The following SPTBN4 variants were observed in gnomAD, a reference collection of about 807,000 sequenced individuals.
SPTBN4 encodes spectrin beta chain, non-erythrocytic 4.
A neutral mutation model predicts 277.8 loss-of-function variants in SPTBN4; 96 were observed. That is an observed-to-expected ratio of 0.35 (90% CI 0.29 to 0.41). The LOEUF (loss-of-function observed/expected upper bound fraction) is 0.41, where lower values mean the gene tolerates loss of function less well. SPTBN4 is among the 10% of genes least tolerant of loss of function. SPTBN4 has a pLI of 1.00. For missense variants in SPTBN4, 3,006 were observed against 3,595.7 expected, an observed-to-expected ratio of 0.84 and a Z score of 4.19; for synonymous variants, 1,481 against 1,580.3, an observed-to-expected ratio of 0.94 and a Z score of 1.49.
rs1407951680 is a variant in SPTBN4 at position 40,502,448 on chromosome 19, G to A, written c.1144G>A (p.Ala382Thr). Residue 382 changes from alanine (A) to threonine (T), a missense_variant, in exon 10 of 36, where the codon GCC (alanine) becomes ACC (threonine). Coordinates refer to ENST00000598249, the MANE Select transcript of SPTBN4 (RefSeq NM_020971.3). This position sits in a 1 kb window ranked among gnomAD's most constrained non-coding sequence, Gnocchi z 4.9. ...LLFSIQSKLR[A>T]CNRRLFVPRE... is the part of the protein sequence containing the mutation. The stretch of plus-strand genomic sequence containing the variant: ...CTTCAGCATCCAGAGCAAACTGCGT[G>A]CCTGCAACCGTCGCCTCTTTGTGCC... The A allele has an allele frequency of 6.2e-7, 1 of 1,613,656 alleles. No individual in the cohort carries two copies. Among genetic ancestry groups the A allele is most frequent in the Admixed American group, 1.7e-5 (1 of 60,012 alleles).
chr19:40,558,600 T>TTTTG (rs941933828), intron 26 of SPTBN4, among the ~76,000 whole-genome samples: 22 of 151,452 alleles, frequency 1.5e-4, no homozygotes, highest in African/African-American at 5.1e-4. Context: ...GTTGGGCAAT[T>TTTTG]TTTGTTTGTT....
chr19:40,556,412 T>G, intron 25 of SPTBN4, 124 bp downstream of exon 25: 2 of 843,152 alleles, frequency 2.4e-6, no homozygotes, highest in Non-Finnish European at 1.8e-6. Context: ...GTGAGACAAA[T>G]GAGTTAATAT....
In SPTBN4 at chr19:40,482,858, G is replaced by C. The variant is rs185940894; in HGVS notation, c.170-4839G>C. On this transcript the variant is annotated intron_variant, in intron 2 of 35. Transcript: ENST00000598249. ...TGCCTGTAATCCCAGCTACTCGGGA[G>C]GCTGAGGCAGGAGAATTGCTTGAAC... 5.4e-3 allele frequency among the ~76,000 whole-genome samples: 823 copies of C among 152,184 alleles called. 5 individuals are homozygous for C. Among genetic ancestry groups the C allele is most frequent in the African/African-American group, 0.019 (770 of 41,522 alleles).
At chr19:40,477,178 TAC>T (rs1275236786) in intron 2 of SPTBN4, among the ~76,000 whole-genome samples, 1 of 152,030 alleles carries the variant, frequency 6.6e-6, no homozygotes, top group African/African-American at 2.4e-5. Flanking sequence ...TAGCTGAGAC[TAC>T]AGGCATGCAC....
Position 40,519,763 on chromosome 19 carries a change from G to T in SPTBN4, c.3266G>T (p.Arg1089Leu). ...GGCGAGGCGGTGGCGGCAGCAGGGC[G>T]CCTGCAGCGCTTCCTACATGACCTC... ...ACGEAVAAAG[R>L]LQRFLHDLDA... Residue 1089 changes from arginine to leucine, a missense_variant, in exon 16 of 36, where the codon CGC (arginine) becomes CTC (leucine). Arg to Leu is a moderately radical substitution (Grantham distance 102, BLOSUM62 -2). This residue lies in a region of SPTBN4 where 1,759 missense variants were observed against 2,061.5 expected (regional missense o/e 0.85). Transcript: ENST00000598249. The surrounding 1 kb of genome is among the most constrained non-coding windows in gnomAD (Gnocchi z 5.7). The T allele has an allele frequency of 2.8e-6, 4 of 1,405,660 alleles. No individual in the cohort carries two copies. The highest frequency in any genetic ancestry group is 3.1e-5 in the South Asian group (2 of 63,626). 87.1% of individuals were successfully genotyped at this position (1,405,660 alleles called of 1,614,324 possible). A position where few individuals can be genotyped will look rare whatever the true frequency, so the allele number is the denominator to read the frequency against.
At chr19:40,482,484 A>C (rs2080023545) in intron 2 of SPTBN4, among the ~76,000 whole-genome samples, 1 of 152,114 alleles carries the variant, frequency 6.6e-6, no homozygotes, top group Non-Finnish European at 1.5e-5. Flanking sequence ...ACCTCCTGTA[A>C]GAGGGCAGCG....
chr19:40,521,959 C>T (rs2080531578), intron 16 of SPTBN4, among the ~76,000 whole-genome samples: 1 of 151,266 alleles, frequency 6.6e-6, no homozygotes, highest in South Asian at 2.1e-4. Flanking sequence ...CTGACCCACT[C>T]ATTTTACTAG....
At chr19:40,561,543 G>A (rs539632047) in intron 27 of SPTBN4, among the ~76,000 whole-genome samples, 1 of 152,246 alleles carries the variant, frequency 6.6e-6, no homozygotes, top group East Asian at 1.9e-4. Context: ...GCATGGGGAT[G>A]GGGCACAGTG....
intron 1 of SPTBN4, among the ~76,000 whole-genome samples, chr19:40,470,671 C>T (rs543483301): frequency 9.0e-4 from 136 of 151,622 alleles, no homozygotes; most frequent in African/African-American, 1.2e-3. Context: ...CTTACTCTGT[C>T]GCCCAGGATA....
chr19:40,540,025 C>A (rs1365282185), intron 20 of SPTBN4, among the ~76,000 whole-genome samples: 1 of 151,674 alleles, frequency 6.6e-6, no homozygotes, highest in African/African-American at 2.4e-5. Context: ...CTCCTGGGTT[C>A]AAGTGATTCT....
rs1333740070 is a variant in SPTBN4, at chr19:40,513,085, G to C, written c.2296G>C (p.Glu766Gln). 2.1e-6 allele frequency: 3 copies of C among 1,416,018 alleles called. No homozygotes were observed. Among genetic ancestry groups the C allele is most frequent in the South Asian group, 1.5e-5 (1 of 68,120 alleles). 87.7% of individuals were successfully genotyped at this position (1,416,018 alleles called of 1,614,324 possible). A position where few individuals can be genotyped will look rare whatever the true frequency, so the allele number is the denominator to read the frequency against. ...GCTGGAAGAGGCGGCGGCGCGGCGAGAGCGGCGGCTGCAGGAGGCGCGGGC... is the reference window on the plus strand; with the variant it reads ...GCTGGAAGAGGCGGCGGCGCGGCGACAGCGGCGGCTGCAGGAGGCGCGGGC... ...QRLEEAAARR[E>Q]RRLQEARALH... Residue 766 changes from glutamate (E) to glutamine (Q), a missense_variant, in exon 14 of 36, where the codon GAG becomes CAG. Glu to Gln is a conservative substitution (Grantham distance 29, BLOSUM62 2). Transcript: ENST00000598249.
At chr19:40,529,723 C>G (rs1233624458) in intron 18 of SPTBN4, among the ~76,000 whole-genome samples, 1 of 152,116 alleles carries the variant, frequency 6.6e-6, no homozygotes. Flanking sequence ...AGAAACGATT[C>G]TAGACTTTGG....
rs2145869830 is a variant in SPTBN4 at position 40,515,605 on chromosome 19, T to G, written c.2903+157T>G. ...CAAAAATCATAATCCCTGATACTGG[T>G]GATGACGTGGTAAAATTAAAACAAC... On this transcript the variant is annotated intron_variant, in intron 15 of 35. Transcript: ENST00000598249. The surrounding 1 kb of genome is among the most constrained non-coding windows in gnomAD (Gnocchi z 4.1). Among the ~76,000 whole-genome samples, 1 of 152,314 alleles carries G rather than the reference T, an allele frequency of 6.6e-6. No homozygotes were observed. The highest frequency in any genetic ancestry group is 3.4e-3 in the Middle Eastern group (1 of 294).
chr19:40,545,131 T>C (rs1306916625), intron 20 of SPTBN4, among the ~76,000 whole-genome samples: 1 of 152,052 alleles, frequency 6.6e-6, no homozygotes, highest in Non-Finnish European at 1.5e-5. Flanking sequence ...AGTCTTGCTG[T>C]GTCACCCAGG....
chr19:40,549,248 G>T lies in SPTBN4; in HGVS notation c.4419G>T (p.Thr1473=), dbSNP rs890741769. Residue 1473 remains threonine (T), a synonymous_variant, in exon 21 of 36, where the codon ACG becomes ACT. Transcript: ENST00000598249. The stretch of plus-strand genomic sequence containing the variant: ...AGGTGGGAGAGCTGCAGGCGCAGAC[G>T]GCGGCGCTGCCGCTGGAGCCGGCGA... The part of the protein sequence containing the change: ...YREVGELQAQ[T]AALPLEPASK... 1.4e-5 allele frequency: 22 copies of T among 1,547,520 alleles called. No individual in the cohort carries two copies. The highest frequency in any genetic ancestry group is 1.9e-5 in the Non-Finnish European group (22 of 1,146,958).
In SPTBN4 at chr19:40,534,196, G is replaced by C. The variant is rs1443812143; in HGVS notation, c.4212G>C (p.Arg1404=). ...AGAGCACCACCCAGGCCAAGGCACG[G>C]CAGCTCTTTGAGGCCAGCAAAGCAG... ...ELESTTQAKA[R]QLFEASKADQ... Residue 1404 remains arginine, a synonymous_variant, in exon 20 of 36, where the codon CGG becomes CGC. Transcript: ENST00000598249. The C allele has an allele frequency of 6.2e-7, 1 of 1,613,902 alleles. No individual in the cohort carries two copies. The highest frequency in any genetic ancestry group is 1.7e-5 in the Admixed American group (1 of 60,008).
At chr19:40,528,947 TC>T in intron 17 of SPTBN4, 93 bp from the exon 18 acceptor site, 2 of 912,022 alleles carry the variant, frequency 2.2e-6, no homozygotes, top group Admixed American at 1.9e-5. Context: ...ACGCCCTTCT[TC>T]CCCTACCCAG....
chr19:40,482,584 A>C (rs2080024526), intron 2 of SPTBN4, among the ~76,000 whole-genome samples: 1 of 152,190 alleles, frequency 6.6e-6, no homozygotes, highest in African/African-American at 2.4e-5. Context: ...CCAAAATCTA[A>C]ATTTTTTAAA....
At chr19:40,550,378 T>C (rs372269458) in intron 22 of SPTBN4, 51 bp downstream of exon 22, 1 of 1,562,388 alleles carries the variant, frequency 6.4e-7, no homozygotes, top group African/African-American at 1.3e-5. Context: ...ATACATGTGA[T>C]AGAAACAGCT....
Sources: gnomAD v4.1 joint callset for allele counts (sites outside exome capture counted in the v4.1 genomes callset) on GRCh38, gnomAD v4.1.1 for gene constraint, gnomAD v4.1.1 regional missense constraint, Gnocchi (gnomAD v3.1) non-coding constraint, MANE v1.5 for transcripts, NCBI Gene and HGNC (gene_info 2026-07-23, HGNC 2026-07-21) for gene names.